DLC1: variants seen among roughly 807,000 people sequenced by gnomAD.
DLC1 encodes rho GTPase-activating protein 7.
Under a neutral mutation model 140.3 loss-of-function variants are expected in DLC1, and 54 were observed. That is an observed-to-expected ratio of 0.38 (90% CI 0.31 to 0.48). The LOEUF (loss-of-function observed/expected upper bound fraction) is 0.48. Among genes scored for constraint, DLC1 ranks in the 20% least tolerant of loss-of-function variants. The pLI, the probability that DLC1 is intolerant of heterozygous loss-of-function variation, is 0.96. For missense variants in DLC1, 2,536 were observed against 1,907.0 expected (o/e 1.33, Z -6.14); for synonymous variants, 986 against 728.1 (o/e 1.35, Z -5.70).
intron 2 of DLC1, among the ~76,000 whole-genome samples, chr8:13,420,854 G>C (rs914040053): frequency 4.6e-5 from 7 of 152,080 alleles, no homozygotes; most frequent in Admixed American, 2.6e-4. Flanking sequence ...AGACTAACCT[G>C]CTTAATTTTA....
chr8:13,257,514 A>G (rs1251091878), intron 5 of DLC1, among the ~76,000 whole-genome samples: 1 of 151,982 alleles, frequency 6.6e-6, no homozygotes, highest in Non-Finnish European at 1.5e-5. Context: ...CTATTGGTAG[A>G]GATGATCTTG....
chr8:13,278,510 C>T (rs1448581605), intron 5 of DLC1, among the ~76,000 whole-genome samples: 1 of 152,110 alleles, frequency 6.6e-6, no homozygotes, highest in African/African-American at 2.4e-5. Flanking sequence ...TCACATCGAC[C>T]AAAAGTGATT....
At chr8:13,453,788 T>G (rs1447166208) in intron 2 of DLC1, among the ~76,000 whole-genome samples, 1 of 151,682 alleles carries the variant, frequency 6.6e-6, no homozygotes, top group Non-Finnish European at 1.5e-5. Context: ...CAGTTAAATT[T>G]CATTATAACG....
At chr8:13,535,148 A>C (rs1268265210) in intron 1 of DLC1, among the ~76,000 whole-genome samples, 1 of 152,220 alleles carries the variant, frequency 6.6e-6, no homozygotes, top group African/African-American at 2.4e-5. Context: ...AACAGAAGAC[A>C]TTAAGAAAAA....
intron 5 of DLC1, among the ~76,000 whole-genome samples, chr8:13,257,812 G>T (rs199642418): frequency 0.027 from 4,138 of 152,118 alleles, 173 homozygotes; most frequent in African/African-American, 0.095. Context: ...TGTCCTTGCT[G>T]GAGTGCATGG....
intron 5 of DLC1, among the ~76,000 whole-genome samples, chr8:13,119,630 T>C (rs1820866191): frequency 6.6e-6 from 1 of 152,048 alleles, no homozygotes; most frequent in South Asian, 2.1e-4. Context: ...AGGAAACAGA[T>C]AGAGAAGTAA....
At chr8:13,402,161 C>T (rs1837328624) in intron 2 of DLC1, among the ~76,000 whole-genome samples, 1 of 152,210 alleles carries the variant, frequency 6.6e-6, no homozygotes, top group African/African-American at 2.4e-5. Context: ...TATATCCTTA[C>T]TAAAATCTCT....
chr8:13,178,507 G>A (rs949808702), intron 5 of DLC1, among the ~76,000 whole-genome samples: 1 of 150,480 alleles, frequency 6.6e-6, no homozygotes, highest in African/African-American at 2.5e-5. Flanking sequence ...GGGAGGCAGA[G>A]CTTGCAATGA....
chr8:13,304,787 A>C (rs1002344793), intron 5 of DLC1: 1 of 958,484 alleles, frequency 1.0e-6, no homozygotes, highest in Non-Finnish European at 1.2e-6. Context: ...ATTAAAGCAC[A>C]GAACACAGAA....
chr8:13,099,217 A>C, intron 9 of DLC1, 130 bp downstream of exon 9: 1 of 1,459,304 alleles, frequency 6.9e-7, no homozygotes, highest in South Asian at 1.5e-5. Flanking sequence ...TCCTGGTTTG[A>C]CACCTTCCTT....
intron 5 of DLC1, among the ~76,000 whole-genome samples, chr8:13,253,521 A>G (rs1830094503): frequency 6.6e-6 from 1 of 152,208 alleles, no homozygotes; most frequent in African/African-American, 2.4e-5. Flanking sequence ...AATTCAGATT[A>G]AAGGGAAAAC....
intron 2 of DLC1, among the ~76,000 whole-genome samples, chr8:13,404,573 A>G (rs1837442364): frequency 6.6e-6 from 1 of 152,156 alleles, no homozygotes; most frequent in African/African-American, 2.4e-5. Flanking sequence ...TTTTAAATAC[A>G]TTTATTTTCC....
chr8:13,476,377 A>T (rs1003075232), intron 2 of DLC1, among the ~76,000 whole-genome samples: 3 of 152,202 alleles, frequency 2.0e-5, no homozygotes, highest in Admixed American at 2.0e-4. Context: ...TATTTCAGTA[A>T]TTCGAACATA....
At chr8:13,529,276 G>A (rs1803020089) in intron 1 of DLC1, among the ~76,000 whole-genome samples, 2 of 152,022 alleles carry the variant, frequency 1.3e-5, no homozygotes, top group Admixed American at 1.3e-4. Flanking sequence ...GTGTAATTAG[G>A]GAGTTTAAAG....
chr8:13,437,363 A>C (rs2116901956), intron 2 of DLC1, among the ~76,000 whole-genome samples: 1 of 152,328 alleles, frequency 6.6e-6, no homozygotes, highest in African/African-American at 2.4e-5. Context: ...TTCTATTCCT[A>C]AGACATGCTG....
Position 13,514,778 on chromosome 8 carries a change from G to T in DLC1, c.-302C>A, listed in dbSNP as rs958409719. ...GAGTCTAACAAAAACACCCTCTGCA[G>T]CTGGAGGGAGCCTTAGCTAAGGCAG... is the stretch of plus-strand genomic sequence containing the variant. On this transcript the variant is annotated 5_prime_UTR_variant, in exon 1 of 18. In the 5' UTR this introduces an upstream ATG that the reference lacks. Transcript: ENST00000276297. The T allele has an allele frequency of 3.3e-5, 13 of 396,710 alleles. No homozygotes were observed. The Admixed American group carries it at 5.3e-4, about 16-fold the overall frequency. The allele number at this position is 396,710 out of a possible 1,614,324, so 24.6% of individuals were successfully genotyped here. A position where few individuals can be genotyped will look rare whatever the true frequency, so the allele number is the denominator to read the frequency against.
At chr8:13,377,655 C>G (rs1013912826) in intron 4 of DLC1, among the ~76,000 whole-genome samples, 1 of 152,164 alleles carries the variant, frequency 6.6e-6, no homozygotes, top group African/African-American at 2.4e-5. Flanking sequence ...CATAACGTTA[C>G]AAGCCCTGAA....
At chr8:13,579,466 T>TA (rs1804995878) in intron 1 of DLC1, among the ~76,000 whole-genome samples, 2 of 64,286 alleles carry the variant, frequency 3.1e-5, no homozygotes, top group African/African-American at 1.2e-4. Flanking sequence ...ATTTAATACA[T>TA]TATATTTTAT....
chr8:13,190,318 G>C (rs1826673368), intron 5 of DLC1, among the ~76,000 whole-genome samples: 1 of 152,064 alleles, frequency 6.6e-6, no homozygotes, highest in African/African-American at 2.4e-5. Context: ...GGTGCCTCTG[G>C]TGTGAGCTTG....
Sources: gnomAD v4.1 joint callset for allele counts (sites outside exome capture counted in the v4.1 genomes callset) on GRCh38, gnomAD v4.1.1 for gene constraint, MANE v1.5 for transcripts, NCBI Gene and HGNC (gene_info 2026-07-23, HGNC 2026-07-21) for gene names.